Variants in RNLS observed in about 807,000 individuals in gnomAD.
The protein encoded by RNLS is renalase.
RNLS carries 39 observed loss-of-function variants against 39.8 expected under a neutral mutation model. That is an observed-to-expected ratio of 0.98 (90% confidence interval 0.76 to 1.28). The LOEUF is 1.28. Ranked by LOEUF, RNLS falls within the 50% of genes most tolerant of loss-of-function variation. The pLI, the probability that RNLS is intolerant of heterozygous loss-of-function variation, is 0.00. For missense variants in RNLS, 410 were observed against 413.3 expected (o/e 0.99, Z 0.07); for synonymous variants, 147 against 150.7 (o/e 0.98, Z 0.18).
At chr10:88,426,833 G>A (rs1228483064) in intron 4 of RNLS, among the ~76,000 whole-genome samples, 1 of 151,922 alleles carries the variant, frequency 6.6e-6, no homozygotes, top group Non-Finnish European at 1.5e-5. Flanking sequence ...GATCCTAGGG[G>A]GTAACAGTAG....
intron 4 of RNLS, among the ~76,000 whole-genome samples, chr10:88,421,219 C>T (rs1340590965): frequency 2.0e-5 from 3 of 152,098 alleles, no homozygotes; most frequent in Non-Finnish European, 2.9e-5. Flanking sequence ...GAACAGGAAG[C>T]GTTATTAATA....
the RNLS span, among the ~76,000 whole-genome samples, chr10:88,237,164 C>T: frequency 2.0e-5 from 3 of 151,794 alleles, no homozygotes; most frequent in African/African-American, 7.3e-5. Context: ...ATATTTGTTA[C>T]GTGAACATGT....
chr10:88,189,660 G>T, the RNLS span, among the ~76,000 whole-genome samples: 1 of 152,164 alleles, frequency 6.6e-6, no homozygotes, highest in African/African-American at 2.4e-5. Context: ...CATGCAATAG[G>T]CAGTCAATAA....
chr10:88,384,479 T>C (rs925385735), intron 4 of RNLS, among the ~76,000 whole-genome samples: 3 of 152,342 alleles, frequency 2.0e-5, no homozygotes, highest in African/African-American at 7.2e-5. Context: ...GCCAGGAAGA[T>C]GAGATTAAAT....
Position 88,386,084 on chromosome 10 carries a change from G to T in RNLS, c.527-23359C>A, listed in dbSNP as rs183444641. On this transcript the variant is annotated intron_variant, in intron 4 of 6. Transcript: ENST00000331772. ...TTAAACTGTAGCCTAGGTATTTTTA[G>T]AGCCGTTACCATGTTAACCGAAATT... Among the ~76,000 whole-genome samples, 912 of 152,224 alleles carry T rather than the reference G, an allele frequency of 6.0e-3. 2 individuals carry two copies. Among genetic ancestry groups the T allele is most frequent in the South Asian group, 9.6e-3 (46 of 4,812 alleles).
intron 6 of RNLS, 69 bp from the exon 7 acceptor site, chr10:88,285,575 C>G: frequency 7.4e-7 from 1 of 1,357,150 alleles, no homozygotes. Context: ...CAACACCCAC[C>G]TGGAAAAGGT....
At chr10:88,537,416 G>A (rs79436975) in intron 4 of RNLS, among the ~76,000 whole-genome samples, 3,111 of 152,250 alleles carry the variant, frequency 0.02, 52 homozygotes, top group Middle Eastern at 0.051. Flanking sequence ...ATGTTCACAG[G>A]AGCGCTATTT....
rs188639368 is a variant in RNLS, at chr10:88,362,575, A to G, written c.677T>C (p.Ile226Thr). 2.6e-4 allele frequency: 414 copies of G among 1,613,788 alleles called. 1 individual carries two copies. Among genetic ancestry groups the G allele is most frequent in the Middle Eastern group, 1.5e-3 (9 of 6,058 alleles). ...ACCTATATTGCGCTTCTTATTATCA[A>G]TGGAGACGAAGCGTATGCAGGGATT... ...TSNPCIRFVS[I>T]DNKKRNIESS... is the part of the protein sequence containing the mutation. Residue 226 changes from isoleucine to threonine, a missense_variant, in exon 5 of 7, where the codon ATT (isoleucine) becomes ACT (threonine). Coordinates refer to ENST00000331772, the MANE Select transcript of RNLS (RefSeq NM_001031709.3).
At chr10:88,347,233 A>C (rs1471867770) in intron 5 of RNLS, among the ~76,000 whole-genome samples, 1 of 152,132 alleles carries the variant, frequency 6.6e-6, no homozygotes, top group Non-Finnish European at 1.5e-5. Flanking sequence ...AGCAGCTCAC[A>C]TTATTTTGAG....
intron 5 of RNLS, among the ~76,000 whole-genome samples, chr10:88,329,967 T>C (rs1846967619): frequency 6.6e-6 from 1 of 151,250 alleles, no homozygotes; most frequent in African/African-American, 2.4e-5. Flanking sequence ...TGTCTGGTTA[T>C]TCCAAAATTT....
chr10:88,568,357 T>A (rs1191090703), intron 4 of RNLS, among the ~76,000 whole-genome samples: 2 of 152,038 alleles, frequency 1.3e-5, no homozygotes, highest in Non-Finnish European at 2.9e-5. Flanking sequence ...ACAGAATTTC[T>A]TTTTGAGGTG....
intron 4 of RNLS, among the ~76,000 whole-genome samples, chr10:88,451,204 G>A (rs1842340920): frequency 6.6e-6 from 1 of 152,212 alleles, no homozygotes; most frequent in South Asian, 2.1e-4. Context: ...CTAGCAGGAA[G>A]AAAGATAATC....
intron 4 of RNLS, among the ~76,000 whole-genome samples, chr10:88,469,139 G>C (rs900966821): frequency 1.2e-4 from 19 of 152,162 alleles, no homozygotes; most frequent in Non-Finnish European, 2.2e-4. Flanking sequence ...AAAGCAGCAT[G>C]TCAGACACCT....
chr10:88,551,436 G>A (rs1030614732), intron 4 of RNLS, among the ~76,000 whole-genome samples: 1 of 152,118 alleles, frequency 6.6e-6, no homozygotes, highest in African/African-American at 2.4e-5. Context: ...GGGAACTTCG[G>A]CCTGTCCATG....
At chr10:88,180,989 T>C in the RNLS span, among the ~76,000 whole-genome samples, 61 of 152,332 alleles carry the variant, frequency 4.0e-4, no homozygotes, top group African/African-American at 1.4e-3. Context: ...TACCCTATTG[T>C]GATAGGTCCC....
Position 88,501,929 on chromosome 10 carries a change from G to A in RNLS, c.526+70974C>T, listed in dbSNP as rs1019238031. 9.9e-5 allele frequency among the ~76,000 whole-genome samples: 15 copies of A among 152,096 alleles called. No individual in the cohort carries two copies. In the East Asian group the frequency reaches 2.3e-3, roughly 24 times the overall value. The stretch of plus-strand genomic sequence containing the variant: ...TGGTATAATAATATGGAAACAGCCC[G>A]ATTCTGTTTACTCCTATTATAACAC... On this transcript the variant is annotated intron_variant, in intron 4 of 6. Transcript: ENST00000331772.
At chr10:88,355,029 G>A (rs191273940) in intron 5 of RNLS, among the ~76,000 whole-genome samples, 1,535 of 152,144 alleles carry the variant, frequency 0.01, 31 homozygotes, top group African/African-American at 0.035. Context: ...TTGTGCATTC[G>A]TCACGTAGTT....
At chr10:88,347,386 A>G (rs1159323910) in intron 5 of RNLS, among the ~76,000 whole-genome samples, 1 of 152,162 alleles carries the variant, frequency 6.6e-6, no homozygotes, top group Non-Finnish European at 1.5e-5. Context: ...TGGTGCAGGT[A>G]TTATGGAAAC....
intron 5 of RNLS, among the ~76,000 whole-genome samples, chr10:88,323,856 A>T (rs987137255): frequency 2.0e-5 from 3 of 152,188 alleles, no homozygotes; most frequent in African/African-American, 4.8e-5. Context: ...TCCAGAATCT[A>T]TAAGGAGCTT....
Sources: gnomAD v4.1 joint callset for allele counts (sites outside exome capture counted in the v4.1 genomes callset) on GRCh38, gnomAD v4.1.1 for gene constraint, MANE v1.5 for transcripts, NCBI Gene and HGNC (gene_info 2026-07-23, HGNC 2026-07-21) for gene names.